Variants in ENTPD5 observed in about 807,000 individuals in gnomAD.
ENTPD5 encodes the protein nucleoside diphosphate phosphatase ENTPD5.
In ENTPD5, 49 loss-of-function variants were observed where a neutral mutation model predicts 60.2. The observed-to-expected ratio is 0.81, with a 90% confidence interval of 0.65 to 1.03. The LOEUF (loss-of-function observed/expected upper bound fraction) is 1.03, where lower values mean the gene tolerates loss of function less well. ENTPD5 is among the 50% of genes least tolerant of loss of function. ENTPD5 has a pLI of 0.00. For missense variants in ENTPD5, 480 were observed against 507.6 expected (o/e 0.95, Z 0.52); for synonymous variants, 187 against 185.4 (o/e 1.01, Z -0.07).
At chr14:73,955,536 C>A, downstream of ENTPD5, 1 of 1,604,156 alleles carries the variant, frequency 6.2e-7, no homozygotes, top group Non-Finnish European at 8.5e-7. Flanking sequence ...TCAATTTTGT[C>A]AAGATGTCTT....
intron 5 of ENTPD5, among the ~76,000 whole-genome samples, chr14:73,984,459 T>C (rs779761515): frequency 6.6e-6 from 1 of 152,210 alleles, no homozygotes; most frequent in East Asian, 1.9e-4. Flanking sequence ...CTAAAGAACA[T>C]GTCAGGCTTA....
chr14:74,011,184 A>G (rs1370501957), intron 2 of ENTPD5, 34 bp from the exon 3 acceptor site: 1 of 625,460 alleles, frequency 1.6e-6, no homozygotes, highest in Non-Finnish European at 2.0e-6. Context: ...TTATAAGAAC[A>G]GTTTCCTCTT....
intron 3 of ENTPD5, among the ~76,000 whole-genome samples, chr14:74,005,127 A>T (rs142050398): frequency 6.6e-6 from 1 of 151,916 alleles, no homozygotes; most frequent in Non-Finnish European, 1.5e-5. Context: ...TTAGCTGGGC[A>T]TGATGGGACA....
chr14:74,017,533 G>C (rs1043878405), intron 1 of ENTPD5, among the ~76,000 whole-genome samples: 83 of 151,036 alleles, frequency 5.5e-4, no homozygotes, highest in African/African-American at 2.0e-3. Context: ...AGCCGAGATC[G>C]TGCCATTGCA....
rs995342170 is a variant in ENTPD5, at chr14:73,965,605, C to A, written c.*1323G>T. Reference sequence around the variant, plus strand: ...AGGAATGGTGGTGGGCACCTGTAATCCCAGCTCTTCAGGAGGCTGAGAACA... The same window carrying A: ...AGGAATGGTGGTGGGCACCTGTAATACCAGCTCTTCAGGAGGCTGAGAACA... On this transcript the variant is annotated 3_prime_UTR_variant, in exon 16 of 16. Transcript: ENST00000334696. 6.6e-6 allele frequency: 1 copy of A among 152,220 alleles called. No homozygotes were observed. Among genetic ancestry groups the A allele is most frequent in the Non-Finnish European group, 1.5e-5 (1 of 68,086 alleles). The allele number at this position is 152,220 out of a possible 1,614,324, so 9.4% of individuals were successfully genotyped here.
Position 73,983,051 on chromosome 14 carries a change from C to A in ENTPD5, c.408G>T (p.Leu136=), listed in dbSNP as rs1023010044. ...GCAGAGCCTTGGCTTTGTGTTCTGG[C>A]AGTAAGCGTAGTCCTGCTGTTGCCT... ...VLKATAGLRL[L]PEHKAKALLF... The change falls in exon 6 of 16, where the codon CTG becomes CTT. Residue 136 remains leucine (L), a synonymous_variant. Transcript: ENST00000334696. The A allele has an allele frequency of 3.1e-6, 5 of 1,614,018 alleles. No homozygotes were observed. Among genetic ancestry groups the A allele is most frequent in the Non-Finnish European group, 4.2e-6 (5 of 1,180,006 alleles).
In ENTPD5 at chr14:73,966,783, G is replaced by A. The variant is rs992784811; in HGVS notation, c.*145C>T. 1 of 635,058 alleles carries A rather than the reference G, an allele frequency of 1.6e-6. No homozygotes were observed. The highest frequency in any genetic ancestry group is 2.8e-6 in the Non-Finnish European group (1 of 362,452). 39.3% of individuals were successfully genotyped at this position (635,058 alleles called of 1,614,324 possible). A position where few individuals can be genotyped will look rare whatever the true frequency, so the allele number is the denominator to read the frequency against. ...TGTACTCTTGAGTGGTTAGGCAGCA[G>A]TTCACATTAGATGTGTAAAATTAAT... is the stretch of plus-strand genomic sequence containing the variant. On this transcript the variant is annotated 3_prime_UTR_variant, in exon 16 of 16. Coordinates refer to ENST00000334696, the MANE Select transcript of ENTPD5 (RefSeq NM_001249.5).
chr14:74,015,064 G>T (rs1325271564), intron 2 of ENTPD5, among the ~76,000 whole-genome samples: 1 of 141,244 alleles, frequency 7.1e-6, no homozygotes, highest in East Asian at 2.2e-4. Context: ...CTGGGCGACA[G>T]AGCAAGACTA....
At chr14:74,009,811 G>A (rs1219246604) in intron 3 of ENTPD5, among the ~76,000 whole-genome samples, 4 of 151,380 alleles carry the variant, frequency 2.6e-5, no homozygotes, top group East Asian at 1.9e-4. Flanking sequence ...TTTTTGAGAC[G>A]GAGTCTCGCT....
intron 4 of ENTPD5, among the ~76,000 whole-genome samples, chr14:73,987,317 A>T (rs1198593875): frequency 6.6e-6 from 1 of 152,200 alleles, no homozygotes; most frequent in Non-Finnish European, 1.5e-5. Flanking sequence ...AGAACAAATT[A>T]TAACTATTCT....
rs1304045629 is a variant in ENTPD5, at chr14:74,008,675, A to G, written c.-71+2416T>C. On this transcript the variant is annotated intron_variant, in intron 3 of 15. Coordinates refer to ENST00000334696, the MANE Select transcript of ENTPD5 (RefSeq NM_001249.5). ...CTCCCAAAGTGCTGGGATTACAGGC[A>G]TGAGCCACTGCGCCTGGCCTAGACT... 3.3e-5 allele frequency among the ~76,000 whole-genome samples: 5 copies of G among 151,536 alleles called. No homozygotes were observed. The East Asian group carries it at 7.7e-4, about 23-fold the overall frequency.
At position 73,972,914 on chromosome 14, in the gene ENTPD5, A is replaced by C. The variant is rs1594851105; in HGVS notation, c.997T>G (p.Tyr333Asp). ...RGSFYAFSYY[Y>D]DRAVDTDMID... ...ATGTCTGTGTCAACAGCTCGGTCAT[A>C]ATAGTAAGAGAAAGCATAGAAGGAA... Residue 333 changes from tyrosine (Y) to aspartate (D), a missense_variant, in exon 13 of 16, where the codon TAT becomes GAT. Tyr to Asp is a radical substitution (Grantham distance 160). Transcript: ENST00000334696. 6.2e-7 allele frequency: 1 copy of C among 1,614,154 alleles called. No homozygotes were observed. The highest frequency in any genetic ancestry group is 8.5e-7 in the Non-Finnish European group (1 of 1,180,008).
In ENTPD5 at chr14:73,970,043, A is replaced by G. The variant is rs1236094825; in HGVS notation, c.1167T>C (p.Asp389=). ...CTGTGCTGTCTGCAAAGCCAAAGCC[A>G]TCCTTTAACAGGGCTGTGATGTAGC... ...DLSYITALLK[D]GFGFADSTVL... is the part of the protein sequence containing the mutation. The change falls in exon 15 of 16, where the codon GAT becomes GAC. Residue 389 remains aspartate (D), a synonymous_variant. Coordinates refer to ENST00000334696, the MANE Select transcript of ENTPD5 (RefSeq NM_001249.5). The G allele has an allele frequency of 3.7e-6, 6 of 1,613,950 alleles. No homozygotes were observed. Among genetic ancestry groups the G allele is most frequent in the Non-Finnish European group, 5.1e-6 (6 of 1,179,852 alleles).
In ENTPD5 at chr14:73,963,957, G is replaced by T. The variant is rs1267386442; in HGVS notation, c.*2971C>A. 2 of 152,150 alleles carry T rather than the reference G, an allele frequency of 1.3e-5. No homozygotes were observed. Among genetic ancestry groups the T allele is most frequent in the African/African-American group, 2.4e-5 (1 of 41,430 alleles). The allele number at this position is 152,150 out of a possible 1,614,324, so 9.4% of individuals were successfully genotyped here. A position where few individuals can be genotyped will look rare whatever the true frequency, so the allele number is the denominator to read the frequency against. On this transcript the variant is annotated 3_prime_UTR_variant, in exon 16 of 16. Coordinates refer to ENST00000334696, the MANE Select transcript of ENTPD5 (RefSeq NM_001249.5). ...TCAGGCAAATGCAGAAAATTTAAAA[G>T]AGTCTAGAACAAAAAAGTGACAATG...
At chr14:73,959,308 G>A (rs1220207639), downstream of ENTPD5, 1 of 1,614,068 alleles carries the variant, frequency 6.2e-7, no homozygotes, top group Non-Finnish European at 8.5e-7. Flanking sequence ...TGGTTTCAAG[G>A]GAATCTGCCC....
chr14:73,955,490 G>A (rs2140378122), downstream of ENTPD5: 1 of 1,614,062 alleles, frequency 6.2e-7, no homozygotes, highest in Non-Finnish European at 8.5e-7. Flanking sequence ...ATGAGATACA[G>A]AGCCTTTCGG....
intron 6 of ENTPD5, 151 bp downstream of exon 6, chr14:73,982,867 A>C (rs1389257536): frequency 1.4e-6 from 1 of 709,056 alleles, no homozygotes; most frequent in East Asian, 2.5e-5. Flanking sequence ...AATGTAAACA[A>C]CTAGCTATAA....
At chr14:74,017,310 C>G (rs1012123983) in intron 1 of ENTPD5, among the ~76,000 whole-genome samples, 1 of 125,366 alleles carries the variant, frequency 8.0e-6, no homozygotes. Flanking sequence ...AAGAGCGAAA[C>G]TCCATCTCAA....
chr14:73,992,773 C>T (rs746367747), intron 3 of ENTPD5, among the ~76,000 whole-genome samples: 2 of 150,566 alleles, frequency 1.3e-5, no homozygotes, highest in African/African-American at 2.5e-5. Flanking sequence ...GAGGCCGAGG[C>T]GGGCGGATCA....
Sources: gnomAD v4.1 joint callset for allele counts (sites outside exome capture counted in the v4.1 genomes callset) on GRCh38, gnomAD v4.1.1 for gene constraint, MANE v1.5 for transcripts, NCBI Gene and HGNC (gene_info 2026-07-23, HGNC 2026-07-21) for gene names.